Variants in CCDC146 observed in about 807,000 individuals in gnomAD.
CCDC146 encodes the protein coiled-coil domain-containing protein 146.
A neutral mutation model predicts 119.3 loss-of-function variants in CCDC146; 92 were observed. The ratio of observed to expected loss-of-function variants is 0.77; its 90% CI spans 0.65 to 0.92. The LOEUF (loss-of-function observed/expected upper bound fraction) is 0.92, where lower values mean the gene tolerates loss of function less well. Ranked by LOEUF, CCDC146 falls within the 40% of genes least tolerant of loss-of-function variation. CCDC146 has a pLI of 0.00. For missense variants in CCDC146, 1,000 were observed against 1,103.0 expected, an observed-to-expected ratio of 0.91 and a Z score of 1.32; for synonymous variants, 372 against 371.8, an observed-to-expected ratio of 1.00 and a Z score of -0.01.
At chr7:77,141,153 A>C (rs529534544) in intron 1 of CCDC146, among the ~76,000 whole-genome samples, 1 of 152,130 alleles carries the variant, frequency 6.6e-6, no homozygotes, top group East Asian at 1.9e-4. Flanking sequence ...CCCACTTATG[A>C]GTGAGGACAT....
intron 1 of CCDC146, among the ~76,000 whole-genome samples, chr7:77,128,432 T>G (rs1231387894): frequency 2.0e-5 from 3 of 151,884 alleles, no homozygotes; most frequent in Admixed American, 2.0e-4. Context: ...GAATAAAGTA[T>G]GAATAAAGTC....
At chr7:77,209,141 G>C (rs1792131601) in intron 2 of CCDC146, among the ~76,000 whole-genome samples, 1 of 152,114 alleles carries the variant, frequency 6.6e-6, no homozygotes, top group African/African-American at 2.4e-5. Context: ...CAAATTCAAA[G>C]ACCCATCTGA....
In CCDC146 at chr7:77,287,458, A is replaced by G. The variant is rs1208669307; in HGVS notation, c.2296A>G (p.Lys766Glu). 10 of 1,613,990 alleles carry G rather than the reference A, an allele frequency of 6.2e-6. No homozygotes were observed. Among genetic ancestry groups the G allele is most frequent in the Non-Finnish European group, 8.5e-6 (10 of 1,180,006 alleles). Residue 766 changes from lysine (K) to glutamate (E), a missense_variant, in exon 17 of 19, where the codon AAG becomes GAG. By Grantham distance (56) the Lys-to-Glu change is moderately conservative (BLOSUM62 1). Coordinates refer to ENST00000285871, the MANE Select transcript of CCDC146 (RefSeq NM_020879.3). ...AACATAGCTGGAACTACAACTGGCC[A>G]AGAAGGAGGAGAAGCTGCTGGAGAA... is the stretch of plus-strand genomic sequence containing the variant. ...KLDKLELQLA[K>E]KEEKLLEKDF...
At chr7:77,269,369 C>G (rs550154127) in intron 9 of CCDC146, among the ~76,000 whole-genome samples, 123 of 152,138 alleles carry the variant, frequency 8.1e-4, no homozygotes, top group African/African-American at 2.9e-3. Context: ...CTAAATAAGA[C>G]TTTTTCTCCG....
At chr7:77,235,945 C>T (rs1792727072) in intron 2 of CCDC146, among the ~76,000 whole-genome samples, 1 of 152,006 alleles carries the variant, frequency 6.6e-6, no homozygotes, top group Non-Finnish European at 1.5e-5. Flanking sequence ...GTGGTGTGCC[C>T]CTGTGGTCCC....
chr7:77,144,078 T>C (rs1422232334), intron 1 of CCDC146, among the ~76,000 whole-genome samples: 1 of 151,706 alleles, frequency 6.6e-6, no homozygotes, highest in African/African-American at 2.4e-5. Flanking sequence ...TGTTTGTATC[T>C]TCTTTTATTT....
intron 4 of CCDC146, among the ~76,000 whole-genome samples, chr7:77,250,572 G>A (rs1283732632): frequency 1.3e-5 from 2 of 152,138 alleles, no homozygotes; most frequent in Non-Finnish European, 2.9e-5. Context: ...AGGTAAGTGT[G>A]TTTTTCCTGT....
Position 77,280,826 on chromosome 7 carries a change from C to T in CCDC146, c.1919+173C>T, listed in dbSNP as rs371715583. Among the ~76,000 whole-genome samples the T allele has an allele frequency of 1.2e-4, 19 of 152,272 alleles. No individual in the cohort carries two copies. In the East Asian group the frequency reaches 2.3e-3, roughly 19 times the overall value. On this transcript the variant is annotated intron_variant, in intron 14 of 18. Coordinates refer to ENST00000285871, the MANE Select transcript of CCDC146 (RefSeq NM_020879.3). The stretch of plus-strand genomic sequence containing the variant: ...CCTGGAAAATAAGAAACACTGTCCT[C>T]ACGCTGGGCACAGTGGCATGATCCC...
intron 2 of CCDC146, among the ~76,000 whole-genome samples, chr7:77,231,277 G>A (rs1211824755): frequency 6.6e-6 from 1 of 152,050 alleles, no homozygotes; most frequent in Non-Finnish European, 1.5e-5. Context: ...GTGGCAATTT[G>A]GATACGCCAA....
intron 1 of CCDC146, among the ~76,000 whole-genome samples, chr7:77,124,075 C>T (rs555336133): frequency 2.0e-5 from 3 of 152,292 alleles, no homozygotes; most frequent in African/African-American, 7.2e-5. Flanking sequence ...AAACACTAGA[C>T]ATTTTTAGAT....
chr7:77,193,669 C>T (rs1049235823), intron 2 of CCDC146: 1 of 152,034 alleles, frequency 6.6e-6, no homozygotes, highest in Non-Finnish European at 1.5e-5. Context: ...TGGAGCATTA[C>T]TATTATCAGT....
At chr7:77,172,975 C>G (rs3114353) in intron 2 of CCDC146, among the ~76,000 whole-genome samples, 10,350 of 152,160 alleles carry the variant, frequency 0.068, 564 homozygotes, top group Non-Finnish European at 0.098. Flanking sequence ...CCTCTCAACT[C>G]TTCCCACATC....
rs946974575 is a variant in CCDC146, at chr7:77,259,044, T to C, written c.734T>C (p.Ile245Thr). The stretch of plus-strand genomic sequence containing the variant: ...ATTCCAGTACAAATTGGAAAAGAGA[T>C]AGAAAAAATAACACGCAAAAAAGTG... ...QTIPVQIGKEIEKITRKKVEM... is the reference protein window; with the variant it reads ...QTIPVQIGKETEKITRKKVEM... Residue 245 changes from isoleucine to threonine, a missense_variant, in exon 7 of 19, where the codon ATA becomes ACA. This residue lies in a region of CCDC146 where 985 missense variants were observed against 1,045.3 expected (regional missense o/e 0.94). Coordinates refer to ENST00000285871, the MANE Select transcript of CCDC146 (RefSeq NM_020879.3). 20 of 1,610,602 alleles carry C rather than the reference T, an allele frequency of 1.2e-5. No homozygotes were observed. The highest frequency in any genetic ancestry group is 1.5e-5 in the Non-Finnish European group (18 of 1,177,488).
At chr7:77,180,293 CA>C (rs1791567304) in intron 2 of CCDC146, among the ~76,000 whole-genome samples, 1 of 152,104 alleles carries the variant, frequency 6.6e-6, no homozygotes, top group Non-Finnish European at 1.5e-5. Context: ...CACACACACA[CA>C]CCCCATATTT....
intron 2 of CCDC146, among the ~76,000 whole-genome samples, chr7:77,187,876 A>G (rs1335197912): frequency 6.6e-6 from 1 of 152,048 alleles, no homozygotes; most frequent in Non-Finnish European, 1.5e-5. Context: ...TCTACAACTG[A>G]ATTTTTATAA....
chr7:77,225,364 C>G (rs778138462), intron 2 of CCDC146, among the ~76,000 whole-genome samples: 3 of 151,770 alleles, frequency 2.0e-5, no homozygotes, highest in East Asian at 2.0e-4. Context: ...GCCTGGGCAA[C>G]GTAGTGAGAT....
At chr7:77,222,721 T>A (rs1792428195) in intron 2 of CCDC146, among the ~76,000 whole-genome samples, 1 of 152,252 alleles carries the variant, frequency 6.6e-6, no homozygotes, top group African/African-American at 2.4e-5. Flanking sequence ...CATACATGTG[T>A]AGCCCTTGTA....
chr7:77,222,882 T>C (rs1792431476), intron 2 of CCDC146, among the ~76,000 whole-genome samples: 1 of 152,234 alleles, frequency 6.6e-6, no homozygotes, highest in Non-Finnish European at 1.5e-5. Context: ...TGCAACAGAA[T>C]TCCTTCTGGT....
intron 2 of CCDC146, among the ~76,000 whole-genome samples, chr7:77,208,919 A>G (rs1207764932): frequency 6.6e-6 from 1 of 152,162 alleles, no homozygotes; most frequent in African/African-American, 2.4e-5. Context: ...AGGCTAGTCT[A>G]GAACTCTTGG....
Sources: allele counts gnomAD v4.1 joint callset (sites outside exome capture counted in the v4.1 genomes callset), GRCh38; gene constraint gnomAD v4.1.1; regional missense constraint gnomAD v4.1.1; transcripts MANE v1.5; gene names NCBI Gene and HGNC (gene_info 2026-07-23, HGNC 2026-07-21).